The following NYAP2 variants were observed in gnomAD, a reference collection of about 807,000 sequenced individuals.
NYAP2 encodes neuronal tyrosine-phosphorylated phosphoinositide-3-kinase adaptor 2, also known as neuronal tyrosine-phosphorylated phosphoinositide-3-kinase adapter 2.
In NYAP2, 23 loss-of-function variants were observed where a neutral mutation model predicts 50.4. The ratio of observed to expected loss-of-function variants is 0.46; its 90% CI spans 0.33 to 0.65. The LOEUF is 0.65. Ranked by LOEUF, NYAP2 falls within the 30% of genes least tolerant of loss-of-function variation. The pLI is 0.02. For missense variants in NYAP2, 885 were observed against 861.0 expected (o/e 1.03, Z -0.35); for synonymous variants, 394 against 365.2 (o/e 1.08, Z -0.90).
intron 4 of NYAP2, among the ~76,000 whole-genome samples, chr2:225,558,483 C>T (rs1451405571): frequency 6.6e-6 from 1 of 152,128 alleles, no homozygotes; most frequent in Non-Finnish European, 1.5e-5. Context: ...AGCCCAGCAG[C>T]GACTGGTCAC....
chr2:225,404,339 A>G lies in NYAP2; in HGVS notation c.-18+3296A>G, dbSNP rs534782021. Among the ~76,000 whole-genome samples the G allele has an allele frequency of 2.6e-5, 4 of 152,120 alleles. No homozygotes were observed. In the East Asian group the frequency reaches 7.8e-4, roughly 30 times the overall value. ...AAAGAAAAAACGAGTTGTTTTTTAA[A>G]TGTTTTAATGTTTCTATGAATTCCA... On this transcript the variant is annotated intron_variant, in intron 2 of 6. Transcript: ENST00000636099.
chr2:225,464,304 C>A (rs1689880912), intron 3 of NYAP2, among the ~76,000 whole-genome samples: 1 of 152,124 alleles, frequency 6.6e-6, no homozygotes, highest in African/African-American at 2.4e-5. Context: ...CTTCCTTATC[C>A]CTGGTGCAAA....
intron 6 of NYAP2, among the ~76,000 whole-genome samples, chr2:225,644,151 T>TGGTA (rs1355474530): frequency 6.6e-6 from 1 of 152,096 alleles, no homozygotes; most frequent in African/African-American, 2.4e-5. Flanking sequence ...TGGTGTGAGA[T>TGGTA]GGTATCTCAT....
At chr2:225,475,885 A>G (rs572450324) in intron 3 of NYAP2, among the ~76,000 whole-genome samples, 4 of 152,304 alleles carry the variant, frequency 2.6e-5, no homozygotes, top group African/African-American at 9.6e-5. Context: ...ATGGCACCTT[A>G]TGGAATATGG....
chr2:225,595,840 G>T (rs577665863), intron 5 of NYAP2, among the ~76,000 whole-genome samples: 1 of 152,204 alleles, frequency 6.6e-6, no homozygotes, highest in South Asian at 2.1e-4. Flanking sequence ...TGCTGTACTT[G>T]CTGCCTCCAT....
chr2:225,473,985 T>A (rs1690057970), intron 3 of NYAP2, among the ~76,000 whole-genome samples: 1 of 152,228 alleles, frequency 6.6e-6, no homozygotes, highest in Non-Finnish European at 1.5e-5. Flanking sequence ...TTAATTTTTG[T>A]ATAAGGTGTA....
chr2:225,446,471 G>A (rs1458142027), intron 3 of NYAP2, among the ~76,000 whole-genome samples: 2 of 151,608 alleles, frequency 1.3e-5, no homozygotes, highest in Non-Finnish European at 2.9e-5. Context: ...AAAACCAATT[G>A]CATTACCAAT....
At chr2:225,684,914 C>T in the NYAP2 span, among the ~76,000 whole-genome samples, 1 of 152,144 alleles carries the variant, frequency 6.6e-6, no homozygotes, top group African/African-American at 2.4e-5. Flanking sequence ...TTTGGACCCA[C>T]TGGTCTGTTC....
In NYAP2 at chr2:225,414,211, A is replaced by T. The variant is rs188931840; in HGVS notation, c.221+5110A>T. Among the ~76,000 whole-genome samples the T allele has an allele frequency of 3.9e-4, 59 of 152,312 alleles. 2 individuals carry two copies. The highest frequency in any genetic ancestry group is 1.4e-3 in the African/African-American group (58 of 41,584). On this transcript the variant is annotated intron_variant, in intron 3 of 6. Transcript: ENST00000636099. ...CCATTTCTCAAATGGGATTTTACTC[A>T]AAAGTCTGGCTGGGTGAAAAAATAT... is the stretch of plus-strand genomic sequence containing the variant.
chr2:225,651,425 T>C lies in NYAP2; in HGVS notation c.1829-7T>C. 6.2e-7 allele frequency: 1 copy of C among 1,614,006 alleles called. No individual in the cohort carries two copies. Among genetic ancestry groups the C allele is most frequent in the Non-Finnish European group, 8.5e-7 (1 of 1,179,862 alleles). On this transcript the variant is annotated splice_polypyrimidine_tract_variant and splice_region_variant and intron_variant, in intron 6 of 6. Coordinates refer to ENST00000636099, the Ensembl canonical transcript of NYAP2. ...CTAATATTGTGTCTTTTTCCGCTTGTTTCCAGAGCCTAAAGTAAGCTGCAA... is the reference window on the plus strand; with the variant it reads ...CTAATATTGTGTCTTTTTCCGCTTGCTTCCAGAGCCTAAAGTAAGCTGCAA...
intron 3 of NYAP2, among the ~76,000 whole-genome samples, chr2:225,444,403 G>A (rs1689519458): frequency 6.6e-6 from 1 of 152,164 alleles, no homozygotes; most frequent in Non-Finnish European, 1.5e-5. Flanking sequence ...AGATCATGAT[G>A]CAGACTGAAG....
At chr2:225,512,072 T>C (rs1183650619) in intron 3 of NYAP2, among the ~76,000 whole-genome samples, 1 of 152,192 alleles carries the variant, frequency 6.6e-6, no homozygotes, top group Non-Finnish European at 1.5e-5. Context: ...ATCTTCCTTT[T>C]AAAAGTTTAC....
chr2:225,522,229 G>A (rs6724326), intron 4 of NYAP2, among the ~76,000 whole-genome samples: 27 of 152,036 alleles, frequency 1.8e-4, no homozygotes, highest in South Asian at 6.2e-4. Flanking sequence ...GTGTTTACAA[G>A]AACCAGCTAA....
rs192209543 is a variant in NYAP2 at position 225,550,685 on chromosome 2, A to G, written c.524-31256A>G. Among the ~76,000 whole-genome samples, 3 of 152,324 alleles carry G rather than the reference A, an allele frequency of 2.0e-5. No homozygotes were observed. The East Asian group carries it at 5.8e-4, about 29-fold the overall frequency. On this transcript the variant is annotated intron_variant, in intron 4 of 6. Coordinates refer to ENST00000636099, the Ensembl canonical transcript of NYAP2. ...GGAATGAAACCATGTTAGAATGGTGATAAGAAAGATCCAGAGAAGAAAGAA... is the reference window on the plus strand; with the variant it reads ...GGAATGAAACCATGTTAGAATGGTGGTAAGAAAGATCCAGAGAAGAAAGAA...
At chr2:225,512,540 C>T (rs1019660364) in intron 3 of NYAP2, among the ~76,000 whole-genome samples, 7 of 145,280 alleles carry the variant, frequency 4.8e-5, no homozygotes, top group African/African-American at 1.5e-4. Flanking sequence ...TTCTCTTTTT[C>T]CTTCCCTCCT....
the NYAP2 span, among the ~76,000 whole-genome samples, chr2:225,678,190 T>C: frequency 0.61 from 90,954 of 148,138 alleles, 29,145 homozygotes; most frequent in South Asian, 0.82. Flanking sequence ...CTAGATTTTC[T>C]AACTTTTACA....
intron 6 of NYAP2, among the ~76,000 whole-genome samples, chr2:225,636,832 A>AC (rs1693428067): frequency 6.6e-6 from 1 of 152,056 alleles, no homozygotes; most frequent in African/African-American, 2.4e-5. Flanking sequence ...ATAGAGGAGA[A>AC]CCCCCCAAAA....
At chr2:225,665,575 T>C in the NYAP2 span, among the ~76,000 whole-genome samples, 1 of 148,754 alleles carries the variant, frequency 6.7e-6, no homozygotes, top group East Asian at 2.0e-4. Flanking sequence ...CCTAGCTCCT[T>C]TTTTTTTTGA....
chr2:225,503,328 C>A (rs2106178950), intron 3 of NYAP2, among the ~76,000 whole-genome samples: 2 of 152,120 alleles, frequency 1.3e-5, no homozygotes, highest in South Asian at 4.2e-4. Flanking sequence ...TTCCATATAC[C>A]CTCTCTTTAG....
Sources: allele counts gnomAD v4.1 joint callset (sites outside exome capture counted in the v4.1 genomes callset), GRCh38; gene constraint gnomAD v4.1.1; transcripts MANE v1.5; gene names NCBI Gene and HGNC (gene_info 2026-07-23, HGNC 2026-07-21).